The following NCOA7 variants were observed in gnomAD, a reference collection of about 807,000 sequenced individuals.
NCOA7 encodes 140 kDa estrogen receptor-associated protein.
Under a neutral mutation model 104.3 loss-of-function variants are expected in NCOA7, and 45 were observed. The observed-to-expected ratio is 0.43, with a 90% CI of 0.34 to 0.55. The LOEUF is 0.55. NCOA7 is among the 20% of genes least tolerant of loss of function. The probability of loss-of-function intolerance (pLI) is 0.02; values close to 1 mark genes in which losing one functional copy is unlikely to be tolerated. For synonymous variants in NCOA7, 398 were observed against 402.3 expected, an observed-to-expected ratio of 0.99 and a Z score of 0.13; for missense variants, 1,041 against 1,119.7, an observed-to-expected ratio of 0.93 and a Z score of 1.00.
intron 10 of NCOA7, among the ~76,000 whole-genome samples, chr6:125,911,824 T>G (rs946745984): frequency 1.3e-5 from 2 of 152,274 alleles, no homozygotes; most frequent in South Asian, 4.1e-4. Context: ...TTGGGATCCA[T>G]GCTCCCGTTC....
intron 3 of NCOA7, among the ~76,000 whole-genome samples, chr6:125,869,530 A>G (rs755363967): frequency 1.3e-5 from 2 of 152,232 alleles, no homozygotes; most frequent in East Asian, 1.9e-4. Flanking sequence ...AACCAAGGCT[A>G]TAGATGAAAT....
At chr6:125,840,868 G>GTTTTGTTTTTTTTTTTTTTTTTTTTT in intron 2 of NCOA7, among the ~76,000 whole-genome samples, 1 of 40,376 alleles carries the variant, frequency 2.5e-5, no homozygotes, top group South Asian at 1.3e-3. Context: ...TGTTTGGTTG[G>GTTTTGTTTTTTTTTTTTTTTTTTTTT]TTTTTTTTTT....
chr6:125,808,418 C>T (rs1405570515), intron 1 of NCOA7, among the ~76,000 whole-genome samples: 2 of 152,190 alleles, frequency 1.3e-5, no homozygotes, highest in African/African-American at 2.4e-5. Flanking sequence ...TTATAGTTGC[C>T]TCTTCTTCCT....
At chr6:125,921,429 A>G (rs1787576081) in intron 12 of NCOA7, among the ~76,000 whole-genome samples, 2 of 151,420 alleles carry the variant, frequency 1.3e-5, no homozygotes, top group South Asian at 2.1e-4. Flanking sequence ...AAAAATTCCC[A>G]TCCCTGAATG....
intron 2 of NCOA7, among the ~76,000 whole-genome samples, chr6:125,854,264 A>G (rs1323871475): frequency 1.3e-5 from 2 of 152,244 alleles, no homozygotes; most frequent in African/African-American, 2.4e-5. Flanking sequence ...TGACATATCA[A>G]TTAATTACAG....
intron 11 of NCOA7, among the ~76,000 whole-genome samples, chr6:125,916,173 G>A (rs1053479284): frequency 1.1e-4 from 17 of 152,132 alleles, no homozygotes; most frequent in Non-Finnish European, 4.4e-5. Flanking sequence ...AAGATCTGAT[G>A]GTTTTAAAAG....
intron 2 of NCOA7, among the ~76,000 whole-genome samples, chr6:125,824,018 T>C (rs1778432662): frequency 6.6e-6 from 1 of 152,162 alleles, no homozygotes; most frequent in Admixed American, 6.5e-5. Flanking sequence ...AAAGACCCAT[T>C]GATTTAGAGG....
chr6:125,823,052 A>G (rs564745660), intron 2 of NCOA7, among the ~76,000 whole-genome samples: 1 of 152,290 alleles, frequency 6.6e-6, no homozygotes, highest in East Asian at 1.9e-4. Flanking sequence ...TTTACCAGAA[A>G]CATTGGATTT....
chr6:125,895,766 A>C (rs1239071189), intron 10 of NCOA7, among the ~76,000 whole-genome samples: 1 of 151,972 alleles, frequency 6.6e-6, no homozygotes, highest in Non-Finnish European at 1.5e-5. Flanking sequence ...CGGAGTTGCT[A>C]CACACTTTTA....
chr6:125,790,393 G>C (rs1774715910), upstream of NCOA7, among the ~76,000 whole-genome samples: 1 of 152,240 alleles, frequency 6.6e-6, no homozygotes. Flanking sequence ...CCTAGGTGCC[G>C]CTGCCAGGCG....
At chr6:125,907,091 G>A (rs1252147608) in intron 10 of NCOA7, among the ~76,000 whole-genome samples, 1 of 152,196 alleles carries the variant, frequency 6.6e-6, no homozygotes, top group Non-Finnish European at 1.5e-5. Context: ...GACAGGCCAT[G>A]TCCCTTCTTC....
At position 125,928,780 on chromosome 6, in the gene NCOA7, C is replaced by A; in HGVS notation, c.*9C>A. On this transcript the variant is annotated 3_prime_UTR_variant, in exon 16 of 16. Transcript: ENST00000392477. Reference sequence around the variant, plus strand: ...TGTGGGCATTTGATTGAAATTCAGACTGCCTTAAAATATAACATTAAAAAG... The same window carrying A: ...TGTGGGCATTTGATTGAAATTCAGAATGCCTTAAAATATAACATTAAAAAG... 6.2e-7 allele frequency: 1 copy of A among 1,609,058 alleles called. No homozygotes were observed. The highest frequency in any genetic ancestry group is 8.5e-7 in the Non-Finnish European group (1 of 1,178,538).
At position 125,814,278 on chromosome 6, in the gene NCOA7, C is replaced by T. The variant is rs193159958; in HGVS notation, c.-64-1013C>T. Among the ~76,000 whole-genome samples, 419 of 152,304 alleles carry T rather than the reference C, an allele frequency of 2.8e-3. 3 individuals carry two copies. The highest frequency in any genetic ancestry group is 7.7e-3 in the African/African-American group (319 of 41,570). On this transcript the variant is annotated intron_variant, in intron 1 of 15. Coordinates refer to ENST00000392477, the MANE Select transcript of NCOA7 (RefSeq NM_181782.5). ...CAAGCGATTCTCGCGCCTCAACCTC[C>T]GGAGTAGCTGGGACTGCAGGCGTGC... is the stretch of plus-strand genomic sequence containing the variant.
At chr6:125,822,056 G>A (rs1172951919) in intron 2 of NCOA7, among the ~76,000 whole-genome samples, 3 of 152,302 alleles carry the variant, frequency 2.0e-5, no homozygotes, top group Admixed American at 6.5e-5. Context: ...ATTATACCAC[G>A]TGGGTGGAGT....
At chr6:125,892,535 G>A (rs1037470027) in intron 10 of NCOA7, among the ~76,000 whole-genome samples, 14 of 152,096 alleles carry the variant, frequency 9.2e-5, no homozygotes, top group East Asian at 1.9e-4. Flanking sequence ...TTAGCCAGGC[G>A]TGGTGGTGGG....
chr6:125,786,680 G>A (rs2128538621), upstream of NCOA7, among the ~76,000 whole-genome samples: 1 of 150,164 alleles, frequency 6.7e-6, no homozygotes, highest in African/African-American at 2.4e-5. Flanking sequence ...GGGTTCAAGT[G>A]ATTCTCCTGC....
intron 1 of NCOA7, among the ~76,000 whole-genome samples, chr6:125,802,101 G>A (rs750555230): frequency 2.0e-5 from 3 of 152,168 alleles, no homozygotes; most frequent in East Asian, 1.9e-4. Flanking sequence ...TCTTGTCTCC[G>A]GGCTTTGATA....
At chr6:125,924,498 C>A (rs9482716) in intron 13 of NCOA7, among the ~76,000 whole-genome samples, 23,836 of 152,204 alleles carry the variant, frequency 0.16, 2,056 homozygotes, top group African/African-American at 0.24. Context: ...GATAGAACAA[C>A]ACCTGCAAAT....
At chr6:125,874,033 A>G (rs1196901060) in intron 3 of NCOA7, among the ~76,000 whole-genome samples, 1 of 152,230 alleles carries the variant, frequency 6.6e-6, no homozygotes, top group African/African-American at 2.4e-5. Flanking sequence ...CTTTAAAAAC[A>G]GTGAAATCTG....
Sources: gnomAD v4.1 joint callset for allele counts (sites outside exome capture counted in the v4.1 genomes callset) on GRCh38, gnomAD v4.1.1 for gene constraint, MANE v1.5 for transcripts, NCBI Gene and HGNC (gene_info 2026-07-23, HGNC 2026-07-21) for gene names.